EYS: variants seen among roughly 807,000 people sequenced by gnomAD.
The protein encoded by EYS is EGF-like photoreceptor maintenance factor.
EYS carries 250 observed loss-of-function variants against 282.1 expected under a neutral mutation model. That is an observed-to-expected ratio of 0.89 (90% confidence interval 0.80 to 0.98). The LOEUF is 0.98. Among genes scored for constraint, EYS ranks in the 50% least tolerant of loss-of-function variants. The pLI, the probability that EYS is intolerant of heterozygous loss-of-function variation, is 0.00. For missense variants in EYS, 4,016 were observed against 3,709.0 expected, an observed-to-expected ratio of 1.08 and a Z score of -2.15; for synonymous variants, 1,355 against 1,282.9, an observed-to-expected ratio of 1.06 and a Z score of -1.20.
chr6:64,480,234 G>A (rs1319445154), intron 26 of EYS, among the ~76,000 whole-genome samples: 1 of 151,612 alleles, frequency 6.6e-6, no homozygotes, highest in Non-Finnish European at 1.5e-5. Context: ...ATTTCTTATG[G>A]GTGTGAACCA....
chr6:64,302,653 A>G (rs1376667927), intron 30 of EYS, among the ~76,000 whole-genome samples: 1 of 152,170 alleles, frequency 6.6e-6, no homozygotes, highest in Non-Finnish European at 1.5e-5. Context: ...AGGCCATAGA[A>G]CGTGCCCACT....
At chr6:64,892,426 C>A (rs1220755712) in intron 18 of EYS, among the ~76,000 whole-genome samples, 1 of 151,800 alleles carries the variant, frequency 6.6e-6, no homozygotes, top group African/African-American at 2.4e-5. Context: ...TTTTTAAAAG[C>A]TTACATTCAA....
intron 18 of EYS, among the ~76,000 whole-genome samples, chr6:64,890,256 C>T (rs1767245886): frequency 6.6e-6 from 1 of 152,078 alleles, no homozygotes; most frequent in Non-Finnish European, 1.5e-5. Flanking sequence ...ATTTTAATTT[C>T]GTCCTGGTCC....
At chr6:64,273,752 ACT>A (rs554910023) in intron 30 of EYS, among the ~76,000 whole-genome samples, 89 of 150,628 alleles carry the variant, frequency 5.9e-4, no homozygotes, top group African/African-American at 1.9e-3. Context: ...CAGCTTGGAA[ACT>A]CTACTTGCAT....
chr6:64,744,172 C>T (rs559811123), intron 22 of EYS, among the ~76,000 whole-genome samples: 2 of 152,094 alleles, frequency 1.3e-5, no homozygotes, highest in South Asian at 2.1e-4. Flanking sequence ...AGAAACAACA[C>T]AGTTTTTAAG....
At position 64,400,128 on chromosome 6, in the gene EYS, G is replaced by GT. The variant is rs1029488382; in HGVS notation, c.5928-11289dup. On this transcript the variant is annotated intron_variant, in intron 28 of 42. Transcript: ENST00000503581. ...TATTTATAGATATATTGCATTTGAG[G>GT]TTTTTCCTTGAAAGTTAGGATTTTT... Among the ~76,000 whole-genome samples the GT allele has an allele frequency of 2.9e-4, 44 of 152,010 alleles. 1 individual carries two copies. The highest frequency in any genetic ancestry group is 1.1e-3 in the African/African-American group (44 of 41,506).
At chr6:64,374,724 C>T (rs594671) in intron 29 of EYS, among the ~76,000 whole-genome samples, 100,935 of 152,042 alleles carry the variant, frequency 0.66, 33,670 homozygotes, top group South Asian at 0.71. Flanking sequence ...TGCTCGTCTC[C>T]CATCTTAGCT....
At chr6:65,207,828 T>TA (rs1280201280) in intron 12 of EYS, among the ~76,000 whole-genome samples, 1 of 151,578 alleles carries the variant, frequency 6.6e-6, no homozygotes, top group East Asian at 1.9e-4. Context: ...AGTCTACGTA[T>TA]AACAATGAAA....
At chr6:64,200,264 C>T (rs909778487) in intron 31 of EYS, among the ~76,000 whole-genome samples, 1 of 152,080 alleles carries the variant, frequency 6.6e-6, no homozygotes, top group African/African-American at 2.4e-5. Flanking sequence ...GGACACGTGA[C>T]ATGATACATT....
intron 26 of EYS, among the ~76,000 whole-genome samples, chr6:64,552,247 A>C (rs1454453195): frequency 6.6e-6 from 1 of 152,202 alleles, no homozygotes; most frequent in Non-Finnish European, 1.5e-5. Flanking sequence ...TTGTAGCAAT[A>C]AGATACCTAC....
intron 26 of EYS, among the ~76,000 whole-genome samples, chr6:64,552,442 A>G (rs1431269052): frequency 1.3e-5 from 2 of 152,076 alleles, no homozygotes; most frequent in African/African-American, 4.8e-5. Flanking sequence ...AGAGTCTGGC[A>G]CCTGTTAAAG....
intron 26 of EYS, among the ~76,000 whole-genome samples, chr6:64,482,926 C>T (rs1776478980): frequency 6.6e-6 from 1 of 151,640 alleles, no homozygotes; most frequent in South Asian, 2.1e-4. Context: ...AAAGCCATAG[C>T]AGTGGCAGCG....
At chr6:64,466,439 G>T (rs1403195346) in intron 26 of EYS, among the ~76,000 whole-genome samples, 1 of 152,136 alleles carries the variant, frequency 6.6e-6, no homozygotes, top group Non-Finnish European at 1.5e-5. Context: ...AAGAACCCCT[G>T]TCATTTGCAA....
chr6:64,047,262 T>C lies in EYS; in HGVS notation c.6725+19076A>G, dbSNP rs139739109. ...AGAAGTAATAATTCAATAATTCCAC[T>C]TAGGAGACCAGAGGTTGTTATTAAA... On this transcript the variant is annotated intron_variant, in intron 33 of 42. Transcript: ENST00000503581. Among the ~76,000 whole-genome samples, 269 of 152,090 alleles carry C rather than the reference T, an allele frequency of 1.8e-3. 2 individuals are homozygous for C. The highest frequency in any genetic ancestry group is 2.8e-3 in the Admixed American group (42 of 15,272).
Position 64,834,387 on chromosome 6 carries a change from A to T in EYS, c.2993-11565T>A, listed in dbSNP as rs1276990382. ...GCTACTATTTTTAATACAGAGCTGCATGAAAAAATGGAAAAAATTGAAATT... is the reference window on the plus strand; with the variant it reads ...GCTACTATTTTTAATACAGAGCTGCTTGAAAAAATGGAAAAAATTGAAATT... On this transcript the variant is annotated intron_variant, in intron 19 of 42. Coordinates refer to ENST00000503581, the MANE Select transcript of EYS (RefSeq NM_001142800.2). Among the ~76,000 whole-genome samples the T allele has an allele frequency of 2.0e-5, 3 of 151,832 alleles. No homozygotes were observed. The Admixed American group carries it at 2.0e-4, about 10-fold the overall frequency.
In EYS at chr6:64,813,459, C is replaced by T. The variant is rs1431916169; in HGVS notation, c.3362G>A (p.Cys1121Tyr). Residue 1121 changes from cysteine to tyrosine, a missense_variant, in exon 22 of 43, where the codon TGT becomes TAT. By Grantham distance (194) the Cys-to-Tyr change is radical. Transcript: ENST00000503581. ...GACTGAATTAAGTTCAGGCTCAGCA[C>T]AATTATCAATGCTTTTTTCACAGTA... is the stretch of plus-strand genomic sequence containing the variant. ...GAYCEKSIDN[C>Y]AEPELNSVIC... The T allele has an allele frequency of 6.5e-7, 1 of 1,550,316 alleles. No individual in the cohort carries two copies. The highest frequency in any genetic ancestry group is 1.2e-5 in the South Asian group (1 of 83,974).
At chr6:65,227,497 G>T (rs1248011890) in intron 12 of EYS, among the ~76,000 whole-genome samples, 2 of 152,076 alleles carry the variant, frequency 1.3e-5, no homozygotes, top group Admixed American at 6.6e-5. Flanking sequence ...AAATGATATG[G>T]CAGTTCCTCA....
At chr6:64,440,967 C>A (rs929179312) in intron 26 of EYS, among the ~76,000 whole-genome samples, 1 of 152,032 alleles carries the variant, frequency 6.6e-6, no homozygotes, top group Non-Finnish European at 1.5e-5. Context: ...TTGAAAACAG[C>A]CCCTATCGGA....
intron 30 of EYS, among the ~76,000 whole-genome samples, chr6:64,299,496 C>T (rs916462340): frequency 6.6e-6 from 1 of 152,176 alleles, no homozygotes; most frequent in African/African-American, 2.4e-5. Context: ...AACGCTGCAA[C>T]GGACTGGTGA....
Sources: gnomAD v4.1 joint callset for allele counts (sites outside exome capture counted in the v4.1 genomes callset) on GRCh38, gnomAD v4.1.1 for gene constraint, MANE v1.5 for transcripts, NCBI Gene and HGNC (gene_info 2026-07-23, HGNC 2026-07-21) for gene names.